The following FHIT variants were observed in gnomAD, a reference collection of about 807,000 sequenced individuals.
FHIT encodes the protein bis(5'-adenosyl)-triphosphatase.
FHIT carries 19 observed loss-of-function variants against 17.9 expected under a neutral mutation model. The ratio of observed to expected loss-of-function variants is 1.06; its 90% confidence interval spans 0.74 to 1.56. The LOEUF is 1.56. Ranked by LOEUF, FHIT falls within the 40% of genes most tolerant of loss-of-function variation. FHIT has a pLI of 0.00. For missense variants in FHIT, 248 were observed against 189.2 expected (o/e 1.31, Z -1.82); for synonymous variants, 81 against 69.7 (o/e 1.16, Z -0.81).
At chr3:60,565,860 C>T (rs1316342713) in intron 4 of FHIT, among the ~76,000 whole-genome samples, 2 of 152,142 alleles carry the variant, frequency 1.3e-5, no homozygotes, top group East Asian at 3.9e-4. Flanking sequence ...GTTAGGGTGT[C>T]AATTTTAGAT....
chr3:60,499,526 G>C (rs531944103), intron 5 of FHIT, among the ~76,000 whole-genome samples: 101 of 152,132 alleles, frequency 6.6e-4, no homozygotes, highest in African/African-American at 2.4e-3. Context: ...CGAGTAGCTG[G>C]GACTATAAGT....
At chr3:60,595,591 G>A (rs2156972) in intron 4 of FHIT, among the ~76,000 whole-genome samples, 67,011 of 149,202 alleles carry the variant, frequency 0.45, 16,996 homozygotes, top group Non-Finnish European at 0.56. Context: ...ACATACGTAT[G>A]TGTATATACG....
intron 5 of FHIT, among the ~76,000 whole-genome samples, chr3:60,114,079 A>G (rs374088793): frequency 8.1e-6 from 1 of 123,594 alleles, no homozygotes; most frequent in Non-Finnish European, 1.7e-5. Context: ...ATATAATGTT[A>G]TATGTATCTT....
At chr3:60,031,667 C>A (rs1447097133) in intron 5 of FHIT, among the ~76,000 whole-genome samples, 4 of 151,992 alleles carry the variant, frequency 2.6e-5, no homozygotes, top group Non-Finnish European at 5.9e-5. Context: ...GCAAAAGGAC[C>A]CCCACCATTT....
chr3:60,230,065 T>C (rs1025690900), intron 5 of FHIT, among the ~76,000 whole-genome samples: 1 of 152,130 alleles, frequency 6.6e-6, no homozygotes, highest in African/African-American at 2.4e-5. Flanking sequence ...TCAAATCTCG[T>C]TGTTCAATAC....
intron 7 of FHIT, among the ~76,000 whole-genome samples, chr3:59,954,636 T>A (rs780478025): frequency 6.6e-6 from 1 of 152,164 alleles, no homozygotes; most frequent in African/African-American, 2.4e-5. Context: ...TGGCACATAG[T>A]AGGCACTTGC....
intron 8 of FHIT, among the ~76,000 whole-genome samples, chr3:59,796,828 C>T (rs919466081): frequency 1.3e-5 from 2 of 152,206 alleles, no homozygotes; most frequent in African/African-American, 2.4e-5. Flanking sequence ...GAATTAGAGG[C>T]GTGGGTGTCA....
intron 1 of FHIT, among the ~76,000 whole-genome samples, chr3:61,246,022 C>T (rs2040479596): frequency 6.6e-6 from 1 of 152,152 alleles, no homozygotes. Flanking sequence ...GGCTAAAACC[C>T]CCCAAAACCA....
intron 2 of FHIT, among the ~76,000 whole-genome samples, chr3:61,072,821 A>G (rs1354980986): frequency 6.6e-6 from 1 of 152,224 alleles, no homozygotes; most frequent in African/African-American, 2.4e-5. Context: ...AAAATAAAAA[A>G]AAGTCTTTTC....
intron 1 of FHIT, among the ~76,000 whole-genome samples, chr3:61,206,643 G>T (rs1281759491): frequency 6.6e-6 from 1 of 152,118 alleles, no homozygotes; most frequent in Admixed American, 6.6e-5. Flanking sequence ...GTAAAGGAAT[G>T]CTTGTGATTT....
At chr3:59,998,602 G>A (rs929684395) in intron 7 of FHIT, among the ~76,000 whole-genome samples, 5 of 152,070 alleles carry the variant, frequency 3.3e-5, no homozygotes, top group Non-Finnish European at 7.4e-5. Context: ...TAAATGGGGG[G>A]AAACTGACAC....
chr3:59,772,039 C>T (rs1417244000), intron 8 of FHIT, among the ~76,000 whole-genome samples: 2 of 152,202 alleles, frequency 1.3e-5, no homozygotes, highest in South Asian at 4.1e-4. Context: ...AAACACATAA[C>T]ATGCACTCGC....
intron 5 of FHIT, among the ~76,000 whole-genome samples, chr3:60,172,254 T>TTTTG (rs542061779): frequency 1.3e-3 from 197 of 151,972 alleles, no homozygotes; most frequent in Admixed American, 3.9e-3. Context: ...AGTATGGGTT[T>TTTTG]TTTGTTTGTT....
chr3:60,258,919 G>A (rs1321939382), intron 5 of FHIT, among the ~76,000 whole-genome samples: 1 of 151,980 alleles, frequency 6.6e-6, no homozygotes, highest in Non-Finnish European at 1.5e-5. Flanking sequence ...ATCTGTGGAG[G>A]GTACCTCTTG....
At chr3:60,857,392 G>A (rs886816458) in intron 3 of FHIT, among the ~76,000 whole-genome samples, 5 of 152,112 alleles carry the variant, frequency 3.3e-5, no homozygotes, top group African/African-American at 1.2e-4. Context: ...GACAGCATTT[G>A]ACAGCCCAGC....
chr3:61,185,620 G>T (rs9875844), intron 2 of FHIT, among the ~76,000 whole-genome samples: 1 of 151,962 alleles, frequency 6.6e-6, no homozygotes, highest in African/African-American at 2.4e-5. Flanking sequence ...ATCCACATGA[G>T]AGAACACACT....
At chr3:59,978,757 G>C (rs1218164060) in intron 7 of FHIT, among the ~76,000 whole-genome samples, 1 of 151,128 alleles carries the variant, frequency 6.6e-6, no homozygotes, top group African/African-American at 2.4e-5. Context: ...GCTCCCCAAA[G>C]CCCATACAGA....
rs111781993 is a variant in FHIT, at chr3:59,800,586, C to T, written c.349-48265G>A. Among the ~76,000 whole-genome samples the T allele has an allele frequency of 4.5e-4, 68 of 152,252 alleles. 1 individual carries two copies. Among genetic ancestry groups the T allele is most frequent in the African/African-American group, 1.4e-3 (57 of 41,556 alleles). On this transcript the variant is annotated intron_variant, in intron 8 of 9. Coordinates refer to ENST00000492590, the MANE Select transcript of FHIT (RefSeq NM_002012.4). ...ATGAATTTCAGGTGCAAAGGACCACCGTCTAACAGCTAATTTGCTTCCTGT... is the reference window on the plus strand; with the variant it reads ...ATGAATTTCAGGTGCAAAGGACCACTGTCTAACAGCTAATTTGCTTCCTGT...
chr3:60,799,237 C>G (rs1214657601), intron 4 of FHIT, among the ~76,000 whole-genome samples: 1 of 151,622 alleles, frequency 6.6e-6, no homozygotes, highest in Non-Finnish European at 1.5e-5. Context: ...TGCAATGGCG[C>G]AATCTCGGCT....
Sources: gnomAD v4.1 joint callset for allele counts (sites outside exome capture counted in the v4.1 genomes callset) on GRCh38, gnomAD v4.1.1 for gene constraint, MANE v1.5 for transcripts, NCBI Gene and HGNC (gene_info 2026-07-23, HGNC 2026-07-21) for gene names.